Variants in EHD4 observed in about 807,000 individuals in gnomAD.
The protein encoded by EHD4 is EH domain containing 4.
A neutral mutation model predicts 51.0 loss-of-function variants in EHD4; 37 were observed. That is an observed-to-expected ratio of 0.73 (90% confidence interval 0.56 to 0.95). The LOEUF (loss-of-function observed/expected upper bound fraction) is 0.95. EHD4 is among the 40% of genes least tolerant of loss of function. The pLI is 0.00. For synonymous variants in EHD4, 297 were observed against 317.3 expected (o/e 0.94, Z 0.68); for missense variants, 632 against 733.1 (o/e 0.86, Z 1.59).
intron 2 of EHD4, among the ~76,000 whole-genome samples, chr15:41,952,297 C>G (rs1323343226): frequency 6.6e-6 from 1 of 152,196 alleles, no homozygotes; most frequent in Non-Finnish European, 1.5e-5. Context: ...GAGATGTGGA[C>G]TGTCAGCTCT....
chr15:41,971,318 A>G (rs1466909751), intron 1 of EHD4, among the ~76,000 whole-genome samples: 1 of 152,258 alleles, frequency 6.6e-6, no homozygotes, highest in Non-Finnish European at 1.5e-5. Context: ...ACCTTAAATG[A>G]TCAGCACTTT....
intron 3 of EHD4, among the ~76,000 whole-genome samples, chr15:41,922,167 T>C (rs550962233): frequency 1.3e-5 from 2 of 152,168 alleles, no homozygotes; most frequent in East Asian, 1.9e-4. Flanking sequence ...GGCGGGAGGA[T>C]TGTTTGAGGC....
chr15:41,914,480 T>C (rs2140986430), intron 4 of EHD4, among the ~76,000 whole-genome samples: 1 of 151,198 alleles, frequency 6.6e-6, no homozygotes, highest in African/African-American at 2.4e-5. Context: ...CAAGGGTTTG[T>C]TATTCTGCTC....
At chr15:41,917,728 A>T (rs2067594404) in intron 4 of EHD4, among the ~76,000 whole-genome samples, 1 of 152,192 alleles carries the variant, frequency 6.6e-6, no homozygotes, top group Non-Finnish European at 1.5e-5. Flanking sequence ...GGGCAAAATC[A>T]TTTCAGGAGA....
At chr15:41,913,668 G>A (rs2067564252) in intron 4 of EHD4, among the ~76,000 whole-genome samples, 1 of 144,878 alleles carries the variant, frequency 6.9e-6, no homozygotes, top group Non-Finnish European at 1.5e-5. Flanking sequence ...AAGACCAACA[G>A]CTGGAGGTAC....
chr15:41,903,419 T>C (rs886372082), intron 5 of EHD4, among the ~76,000 whole-genome samples: 1 of 150,084 alleles, frequency 6.7e-6, no homozygotes, highest in African/African-American at 2.5e-5. Flanking sequence ...TCTGCTAGCA[T>C]ATCTGGGCAT....
chr15:41,941,042 G>C (rs2067766277), intron 3 of EHD4, among the ~76,000 whole-genome samples: 1 of 152,104 alleles, frequency 6.6e-6, no homozygotes, highest in Non-Finnish European at 1.5e-5. Flanking sequence ...GTGGAACATG[G>C]GCCTGCTTTA....
chr15:41,962,664 G>A (rs371697750), intron 1 of EHD4, among the ~76,000 whole-genome samples: 4 of 152,088 alleles, frequency 2.6e-5, no homozygotes, highest in East Asian at 3.9e-4. Context: ...CGCCCCGTCC[G>A]GGAGGGAGGC....
intron 3 of EHD4, among the ~76,000 whole-genome samples, chr15:41,935,848 TCAGA>T (rs1216497654): frequency 1.3e-5 from 2 of 152,072 alleles, no homozygotes; most frequent in South Asian, 4.1e-4. Flanking sequence ...AAGGTGATAG[TCAGA>T]CAGTGGTTGG....
chr15:41,958,354 T>C (rs1453318873), intron 1 of EHD4, among the ~76,000 whole-genome samples: 2 of 151,616 alleles, frequency 1.3e-5, no homozygotes, highest in African/African-American at 4.9e-5. Flanking sequence ...GATGGTGGGA[T>C]GGATGGGAGA....
chr15:41,909,646 G>A, intron 5 of EHD4, 53 bp downstream of exon 5: 1 of 1,600,164 alleles, frequency 6.2e-7, no homozygotes, highest in Non-Finnish European at 8.6e-7. Flanking sequence ...GCCAGACAAT[G>A]TGGCACTGCA....
intron 3 of EHD4, among the ~76,000 whole-genome samples, chr15:41,929,331 T>C (rs548864030): frequency 2.0e-5 from 3 of 152,242 alleles, no homozygotes; most frequent in Non-Finnish European, 4.4e-5. Context: ...CAATAACAGA[T>C]GGGTGAGCCA....
chr15:41,937,956 G>A (rs2067743176), intron 3 of EHD4, among the ~76,000 whole-genome samples: 1 of 152,166 alleles, frequency 6.6e-6, no homozygotes. Context: ...CATATATAAT[G>A]AGAGATCTTG....
intron 1 of EHD4, among the ~76,000 whole-genome samples, chr15:41,959,535 A>T (rs1483272847): frequency 1.3e-5 from 2 of 151,990 alleles, no homozygotes; most frequent in East Asian, 3.9e-4. Context: ...AAACATTTTT[A>T]AAATAAGTTT....
At chr15:41,932,045 C>T (rs1258194186) in intron 3 of EHD4, among the ~76,000 whole-genome samples, 1 of 152,142 alleles carries the variant, frequency 6.6e-6, no homozygotes, top group African/African-American at 2.4e-5. Context: ...CGTTATCGTG[C>T]CAACTGTATA....
chr15:41,913,224 C>T (rs1281411264), intron 4 of EHD4, among the ~76,000 whole-genome samples: 3 of 152,200 alleles, frequency 2.0e-5, no homozygotes, highest in African/African-American at 7.2e-5. Context: ...GACGGGACAG[C>T]TTGAATGACT....
At chr15:41,944,474 A>T (rs2067797980) in intron 2 of EHD4, among the ~76,000 whole-genome samples, 1 of 152,168 alleles carries the variant, frequency 6.6e-6, no homozygotes. Flanking sequence ...ACAAAGTAAA[A>T]ATGCTGGGAA....
rs373780104 is a variant in EHD4 at position 41,919,567 on chromosome 15, G to C, written c.567C>G (p.Ile189Met). 1.1e-5 allele frequency: 17 copies of C among 1,524,206 alleles called. No homozygotes were observed. Among genetic ancestry groups the C allele is most frequent in the Admixed American group, 2.2e-5 (1 of 45,118 alleles). The allele number at this position is 1,524,206 out of a possible 1,614,324, so 94.4% of individuals were successfully genotyped here. Residue 189 changes from isoleucine (I) to methionine (M), a missense_variant, in exon 4 of 6, where the codon ATC becomes ATG. Transcript: ENST00000220325. ...QWFAERVDRI[I>M]LLFDAHKLDI... ...CCAGCTTGTGAGCGTCAAAGAGCAG[G>C]ATGATCCTGTCCACCCTCTCGGCAA...
chr15:41,966,030 T>C (rs1442668221), intron 1 of EHD4, among the ~76,000 whole-genome samples: 6 of 150,730 alleles, frequency 4.0e-5, no homozygotes, highest in Non-Finnish European at 8.9e-5. Flanking sequence ...TTGCTCCAAG[T>C]CTTGCCTCCT....
Sources: gnomAD v4.1 joint callset for allele counts (sites outside exome capture counted in the v4.1 genomes callset) on GRCh38, gnomAD v4.1.1 for gene constraint, MANE v1.5 for transcripts, NCBI Gene and HGNC (gene_info 2026-07-23, HGNC 2026-07-21) for gene names.